The following BBS9 variants were observed in gnomAD, a reference collection of about 807,000 sequenced individuals.
The protein encoded by BBS9 is protein PTHB1.
In BBS9, 89 loss-of-function variants were observed where a neutral mutation model predicts 117.7. The observed-to-expected ratio is 0.76, with a 90% CI of 0.64 to 0.90. The LOEUF is 0.90. BBS9 is among the 40% of genes least tolerant of loss of function. The pLI is 0.00. For synonymous variants in BBS9, 379 were observed against 370.9 expected (o/e 1.02, Z -0.25); for missense variants, 982 against 1,042.2 (o/e 0.94, Z 0.80).
At chr7:33,335,002 C>G (rs749273505) in intron 9 of BBS9, among the ~76,000 whole-genome samples, 4 of 152,110 alleles carry the variant, frequency 2.6e-5, no homozygotes, top group Non-Finnish European at 5.9e-5. Flanking sequence ...TGCTGGTGAC[C>G]ATCTTATGGG....
At chr7:33,485,237 T>TGG (rs1010269917) in intron 19 of BBS9, among the ~76,000 whole-genome samples, 3 of 151,794 alleles carry the variant, frequency 2.0e-5, no homozygotes, top group African/African-American at 7.3e-5. Context: ...CAAACCACCA[T>TGG]GGCACACATT....
chr7:33,134,429 AC>A (rs1480773973), intron 1 of BBS9, among the ~76,000 whole-genome samples: 1 of 151,328 alleles, frequency 6.6e-6, no homozygotes, highest in East Asian at 1.9e-4. Context: ...ACCTATTCAG[AC>A]CCATTGTTCA....
chr7:33,341,875 A>G (rs890914263), intron 11 of BBS9, among the ~76,000 whole-genome samples: 4 of 152,140 alleles, frequency 2.6e-5, no homozygotes, highest in Admixed American at 1.3e-4. Context: ...GATGTGATTG[A>G]TTATATCTCA....
intron 21 of BBS9, among the ~76,000 whole-genome samples, chr7:33,550,183 C>T (rs889821330): frequency 2.6e-5 from 4 of 152,112 alleles, no homozygotes; most frequent in Admixed American, 2.0e-4. Flanking sequence ...AAGTTCTACT[C>T]CCAGTATCTG....
At chr7:33,182,159 C>T (rs1798193609) in intron 5 of BBS9, among the ~76,000 whole-genome samples, 1 of 152,152 alleles carries the variant, frequency 6.6e-6, no homozygotes, top group African/African-American at 2.4e-5. Context: ...AAAAAAAAAT[C>T]CACATTTCCA....
chr7:33,225,855 G>T, intron 5 of BBS9, among the ~76,000 whole-genome samples: 1 of 151,838 alleles, frequency 6.6e-6, no homozygotes, highest in South Asian at 2.1e-4. Flanking sequence ...CTATATTATG[G>T]GTTCATATTG....
At chr7:33,442,763 T>A (rs1563183228) in intron 19 of BBS9, among the ~76,000 whole-genome samples, 1 of 152,164 alleles carries the variant, frequency 6.6e-6, no homozygotes, top group East Asian at 1.9e-4. Context: ...GTGATCACCT[T>A]TTTTTTGGTC....
chr7:33,397,652 A>T (rs1052055221), intron 19 of BBS9, among the ~76,000 whole-genome samples: 3 of 152,190 alleles, frequency 2.0e-5, no homozygotes, highest in African/African-American at 4.8e-5. Context: ...AAGGAACGAG[A>T]TCATGCCCTT....
At chr7:33,324,479 C>G (rs962211882) in intron 9 of BBS9, among the ~76,000 whole-genome samples, 1 of 152,074 alleles carries the variant, frequency 6.6e-6, no homozygotes, top group Non-Finnish European at 1.5e-5. Context: ...TTTTAGTCTT[C>G]TTACTCAAGA....
At chr7:33,174,740 G>T (rs528657627) in intron 4 of BBS9, among the ~76,000 whole-genome samples, 14 of 152,338 alleles carry the variant, frequency 9.2e-5, no homozygotes, top group South Asian at 6.2e-4. Context: ...TGATTTAACA[G>T]TTCAGAATGA....
chr7:33,503,465 C>T lies in BBS9; in HGVS notation c.2116-1998C>T, dbSNP rs144552772. 6.6e-5 allele frequency among the ~76,000 whole-genome samples: 10 copies of T among 152,254 alleles called. No individual in the cohort carries two copies. The East Asian group carries it at 1.4e-3, about 21-fold the overall frequency. ...GAGGGATAGTTATTCACATAATAAT[C>T]GCAATGTTAGTGGAATTCTCCTTTA... On this transcript the variant is annotated intron_variant, in intron 19 of 22. Coordinates refer to ENST00000242067, the MANE Select transcript of BBS9 (RefSeq NM_198428.3).
At chr7:33,421,900 C>T (rs1043281802) in intron 19 of BBS9, among the ~76,000 whole-genome samples, 8 of 151,764 alleles carry the variant, frequency 5.3e-5, no homozygotes, top group Non-Finnish European at 7.4e-5. Flanking sequence ...TAAAAAAGTA[C>T]ACAAGTACTA....
At chr7:33,437,481 A>T (rs554765659) in intron 19 of BBS9, among the ~76,000 whole-genome samples, 2 of 152,366 alleles carry the variant, frequency 1.3e-5, no homozygotes, top group African/African-American at 4.8e-5. Context: ...TGAATTTCAC[A>T]TAAATTCTTT....
At chr7:33,620,712 G>A (rs759565309) in intron 21 of BBS9, among the ~76,000 whole-genome samples, 8 of 152,016 alleles carry the variant, frequency 5.3e-5, no homozygotes, top group Admixed American at 6.6e-5. Context: ...TTCCAGTGAC[G>A]TTTTTCACAG....
At chr7:33,571,609 C>T (rs1219542904) in intron 21 of BBS9, among the ~76,000 whole-genome samples, 1 of 151,312 alleles carries the variant, frequency 6.6e-6, no homozygotes, top group African/African-American at 2.4e-5. Flanking sequence ...TTTCTCAATC[C>T]CAGGCTACAG....
At chr7:33,160,307 G>C (rs1180856125) in intron 4 of BBS9, among the ~76,000 whole-genome samples, 1 of 152,174 alleles carries the variant, frequency 6.6e-6, no homozygotes, top group East Asian at 1.9e-4. Flanking sequence ...CTGTGACGTA[G>C]GTTAAGAGGA....
intron 19 of BBS9, among the ~76,000 whole-genome samples, chr7:33,457,654 G>T (rs570572704): frequency 5.3e-5 from 8 of 152,124 alleles, no homozygotes; most frequent in Non-Finnish European, 1.0e-4. Flanking sequence ...AGGATGAAAA[G>T]TCTTTTGAAT....
At chr7:33,489,029 G>C (rs1009949793) in intron 19 of BBS9, among the ~76,000 whole-genome samples, 5 of 117,648 alleles carry the variant, frequency 4.2e-5, no homozygotes, top group African/African-American at 1.7e-4. Flanking sequence ...GTCTCACTCT[G>C]TCACCCAGGC....
At chr7:33,216,593 C>A (rs1789111886) in intron 5 of BBS9, among the ~76,000 whole-genome samples, 2 of 152,092 alleles carry the variant, frequency 1.3e-5, no homozygotes, top group Admixed American at 1.3e-4. Flanking sequence ...GTAATAAACT[C>A]ATTGAAAATC....
Sources: gnomAD v4.1 joint callset for allele counts (sites outside exome capture counted in the v4.1 genomes callset) on GRCh38, gnomAD v4.1.1 for gene constraint, MANE v1.5 for transcripts, NCBI Gene and HGNC (gene_info 2026-07-23, HGNC 2026-07-21) for gene names.